TTC17: variants seen among roughly 807,000 people sequenced by gnomAD.
TTC17 encodes the protein tetratricopeptide repeat domain 17, also known as tetratricopeptide repeat protein 17.
A neutral mutation model predicts 143.8 loss-of-function variants in TTC17; 58 were observed. The observed-to-expected ratio is 0.40, with a 90% CI of 0.33 to 0.50. The LOEUF (loss-of-function observed/expected upper bound fraction) is 0.50. Among genes scored for constraint, TTC17 ranks in the 20% least tolerant of loss-of-function variants. The pLI is 0.49. For synonymous variants in TTC17, 501 were observed against 497.8 expected, an observed-to-expected ratio of 1.01 and a Z score of -0.09; for missense variants, 1,273 against 1,392.5, an observed-to-expected ratio of 0.91 and a Z score of 1.37.
chr11:43,416,959 T>A (rs1388937579), intron 16 of TTC17, among the ~76,000 whole-genome samples: 1 of 152,206 alleles, frequency 6.6e-6, no homozygotes, highest in African/African-American at 2.4e-5. Context: ...CATTCTGATA[T>A]GAATTAGAAA....
In TTC17 at chr11:43,385,724, A is replaced by G. The variant is rs543749354; in HGVS notation, c.250-3928A>G. The G allele has an allele frequency of 2.0e-5, 3 of 151,746 alleles. No individual in the cohort carries two copies. In the South Asian group the frequency reaches 6.2e-4, roughly 31 times the overall value. 9.4% of individuals were successfully genotyped at this position (151,746 alleles called of 1,614,324 possible). A position where few individuals can be genotyped will look rare whatever the true frequency, so the allele number is the denominator to read the frequency against. On this transcript the variant is annotated intron_variant, in intron 2 of 23. Transcript: ENST00000039989. ...AGAGCTTGTCTTTAAAAAGAAAAAA[A>G]AAAAAAAAGACTGAAAAGAAATGAG...
At chr11:43,469,504 A>G (rs897550772) in intron 21 of TTC17, among the ~76,000 whole-genome samples, 13 of 152,242 alleles carry the variant, frequency 8.5e-5, no homozygotes, top group South Asian at 6.2e-4. Flanking sequence ...ACAGTGGTCT[A>G]TTGAGATGGT....
chr11:43,389,910 A>T, intron 3 of TTC17, 89 bp downstream of exon 3: 6 of 1,222,412 alleles, frequency 4.9e-6, no homozygotes, highest in Non-Finnish European at 6.8e-6. Context: ...TAATAAGGGT[A>T]AGCTTCAATC....
intron 18 of TTC17, chr11:43,446,589 G>C (rs1323012710): frequency 1.2e-6 from 1 of 821,660 alleles, no homozygotes; most frequent in African/African-American, 1.9e-5. Context: ...AATTTAAACA[G>C]AGTTAATTTG....
At chr11:43,446,597 T>A (rs187353072) in intron 18 of TTC17, 1 of 880,060 alleles carries the variant, frequency 1.1e-6, no homozygotes, top group Non-Finnish European at 1.4e-6. Context: ...CAGAGTTAAT[T>A]TGAAACTCTT....
intron 21 of TTC17, among the ~76,000 whole-genome samples, chr11:43,488,263 T>TA (rs1404112445): frequency 6.6e-6 from 1 of 152,172 alleles, no homozygotes; most frequent in Non-Finnish European, 1.5e-5. Context: ...GTAAATACTA[T>TA]ACGCCCTGAA....
rs770456730 is a variant in TTC17 at position 43,414,761 on chromosome 11, T to C, written c.2236T>C (p.Ser746Pro). ...QFYPFLYNIT[S>P]SVCSGTVVEE... ...TTATCCTTTTCTGTACAACATCACT[T>C]CTTCTGTTTGCAGTGGTAAGCAGCT... Residue 746 changes from serine (S) to proline (P), a missense_variant, in exon 16 of 24, where the codon TCT (serine) becomes CCT (proline). Ser to Pro is a moderately conservative substitution (Grantham distance 74). Around this residue, in one of 3 missense-constraint regions of TTC17, gnomAD observed 878 missense variants for 899.8 expected, o/e 0.98. Coordinates refer to ENST00000039989, the MANE Select transcript of TTC17 (RefSeq NM_018259.6). 4.3e-6 allele frequency: 7 copies of C among 1,613,164 alleles called. No homozygotes were observed.
rs377377088 is a variant in TTC17 at position 43,359,127 on chromosome 11, C to T, written c.159+14C>T. ...ATCCAGCAGCAGGTAGCGGCCGGGGCGTCCCTCTTCTCCCGTGCCCGCCCT... is the reference window on the plus strand; with the variant it reads ...ATCCAGCAGCAGGTAGCGGCCGGGGTGTCCCTCTTCTCCCGTGCCCGCCCT... On this transcript the variant is annotated intron_variant, in intron 1 of 23. Transcript: ENST00000039989. The T allele has an allele frequency of 6.4e-7, 1 of 1,573,066 alleles. No homozygotes were observed. The highest frequency in any genetic ancestry group is 8.6e-7 in the Non-Finnish European group (1 of 1,162,026).
At chr11:43,481,896 G>T (rs1322315671) in intron 21 of TTC17, among the ~76,000 whole-genome samples, 3 of 152,042 alleles carry the variant, frequency 2.0e-5, no homozygotes, top group African/African-American at 4.8e-5. Context: ...TGCAGCCTCT[G>T]CCTCCTGGGT....
At position 43,414,687 on chromosome 11, in the gene TTC17, A is replaced by G; in HGVS notation, c.2162A>G (p.Lys721Arg). 1.9e-6 allele frequency: 3 copies of G among 1,613,814 alleles called. No individual in the cohort carries two copies. The highest frequency in any genetic ancestry group is 2.5e-6 in the Non-Finnish European group (3 of 1,179,802). ...AGACAGGCCTTGAAATTAACCACCA[A>G]ATGTCCAGAGTGTGAAAACAGCCTG... ...AFRQALKLTT[K>R]CPECENSLKL... Residue 721 changes from lysine to arginine, a missense_variant, in exon 16 of 24, where the codon AAA becomes AGA. Coordinates refer to ENST00000039989, the MANE Select transcript of TTC17 (RefSeq NM_018259.6).
At chr11:43,445,403 A>C (rs763355113) in intron 18 of TTC17, among the ~76,000 whole-genome samples, 1 of 152,236 alleles carries the variant, frequency 6.6e-6, no homozygotes, top group Admixed American at 6.5e-5. Context: ...GAAATACATC[A>C]AAATGTTATA....
chr11:43,391,775 T>C, intron 4 of TTC17, 46 bp from the exon 5 acceptor site: 1 of 1,592,444 alleles, frequency 6.3e-7, no homozygotes, highest in South Asian at 1.2e-5. Context: ...ATTTGTCATC[T>C]TTTATATCCT....
In TTC17 at chr11:43,388,579, C is replaced by T. The variant is rs554702736; in HGVS notation, c.250-1073C>T. Among the ~76,000 whole-genome samples the T allele has an allele frequency of 6.6e-5, 10 of 150,730 alleles. No individual in the cohort carries two copies. The South Asian group carries it at 1.3e-3, about 19-fold the overall frequency. Reference sequence around the variant, plus strand: ...CTGAGCTGGGCATGGTGTCTTATGCCGGTAGTCCCAACACTTTGGGAGGCC... The same window carrying T: ...CTGAGCTGGGCATGGTGTCTTATGCTGGTAGTCCCAACACTTTGGGAGGCC... On this transcript the variant is annotated intron_variant, in intron 2 of 23. Coordinates refer to ENST00000039989, the MANE Select transcript of TTC17 (RefSeq NM_018259.6).
chr11:43,376,496 G>A (rs1383013990), intron 1 of TTC17, among the ~76,000 whole-genome samples: 2 of 152,156 alleles, frequency 1.3e-5, no homozygotes, highest in African/African-American at 4.8e-5. Flanking sequence ...GAAGTTTGTA[G>A]GGTTGTTTAT....
chr11:43,430,811 A>C (rs1446082131), intron 16 of TTC17, among the ~76,000 whole-genome samples: 1 of 151,548 alleles, frequency 6.6e-6, no homozygotes, highest in East Asian at 1.9e-4. Flanking sequence ...TTATACTTGA[A>C]GTTCTGGGAT....
In TTC17 at chr11:43,444,038, C is replaced by T; in HGVS notation, c.2512-18C>T. 1 of 1,589,994 alleles carries T rather than the reference C, an allele frequency of 6.3e-7. No homozygotes were observed. The highest frequency in any genetic ancestry group is 8.5e-7 in the Non-Finnish European group (1 of 1,171,756). On this transcript the variant is annotated intron_variant, in intron 17 of 23. Transcript: ENST00000039989. Reference sequence around the variant, plus strand: ...GATCACTGGTCTCATTTGTCCCTAACATGTTTCTGTTTCCCAGATTACATT... The same window carrying T: ...GATCACTGGTCTCATTTGTCCCTAATATGTTTCTGTTTCCCAGATTACATT...
chr11:43,393,879 A>G (rs1857481477), intron 5 of TTC17, among the ~76,000 whole-genome samples: 1 of 152,226 alleles, frequency 6.6e-6, no homozygotes, highest in Non-Finnish European at 1.5e-5. Flanking sequence ...TGGGAAGTCT[A>G]AGATCAAGGT....
chr11:43,456,140 T>C (rs1011552613), intron 21 of TTC17, among the ~76,000 whole-genome samples: 1 of 151,686 alleles, frequency 6.6e-6, no homozygotes, highest in African/African-American at 2.4e-5. Context: ...ACCAACTTAG[T>C]TTAAGAACCC....
intron 5 of TTC17, among the ~76,000 whole-genome samples, chr11:43,392,806 C>A (rs1168074682): frequency 6.6e-6 from 1 of 152,238 alleles, no homozygotes; most frequent in East Asian, 1.9e-4. Flanking sequence ...TGAGAGTAGA[C>A]CATAGTGGTA....
Sources: allele counts gnomAD v4.1 joint callset (sites outside exome capture counted in the v4.1 genomes callset), GRCh38; gene constraint gnomAD v4.1.1; regional missense constraint gnomAD v4.1.1; transcripts MANE v1.5; gene names NCBI Gene and HGNC (gene_info 2026-07-23, HGNC 2026-07-21).